Variants in FARP1 observed in about 807,000 individuals in gnomAD.
FARP1 encodes FERM, ARHGEF and pleckstrin domain-containing protein 1.
FARP1 carries 52 observed loss-of-function variants against 128.8 expected under a neutral mutation model. The observed-to-expected ratio is 0.40, with a 90% CI of 0.32 to 0.51. FARP1 has a LOEUF of 0.51. Ranked by LOEUF, FARP1 falls within the 20% of genes least tolerant of loss-of-function variation. The pLI is 0.45. For synonymous variants in FARP1, 580 were observed against 551.8 expected (o/e 1.05, Z -0.72); for missense variants, 1,333 against 1,367.9 (o/e 0.97, Z 0.40).
At chr13:98,305,201 C>T (rs1886091470) in intron 2 of FARP1, among the ~76,000 whole-genome samples, 1 of 151,534 alleles carries the variant, frequency 6.6e-6, no homozygotes, top group African/African-American at 2.4e-5. Flanking sequence ...TCACTAACAA[C>T]AACTTGTATT....
At chr13:98,371,139 C>T (rs573084390) in intron 5 of FARP1, among the ~76,000 whole-genome samples, 20 of 151,800 alleles carry the variant, frequency 1.3e-4, no homozygotes, top group Non-Finnish European at 2.4e-4. Context: ...CGTGCCTTTT[C>T]CTCATGTGAA....
At chr13:98,279,939 C>G (rs998717671) in intron 2 of FARP1, among the ~76,000 whole-genome samples, 2 of 152,128 alleles carry the variant, frequency 1.3e-5, no homozygotes, top group Non-Finnish European at 2.9e-5. Flanking sequence ...CTGTCTGACC[C>G]TGATGTGCCC....
At chr13:98,379,221 AATCT>A (rs1304036197) in intron 6 of FARP1, among the ~76,000 whole-genome samples, 13 of 123,292 alleles carry the variant, frequency 1.1e-4, no homozygotes, top group Non-Finnish European at 1.9e-4. Context: ...TATAATATAT[AATCT>A]ATCTATATAT....
At chr13:98,437,917 C>T (rs1892349051) in intron 19 of FARP1, 1 of 1,105,470 alleles carries the variant, frequency 9.0e-7, no homozygotes, top group East Asian at 2.5e-5. Context: ...ATTCTTGGCA[C>T]TCATCAGGCC....
chr13:98,337,575 GT>G, intron 2 of FARP1, among the ~76,000 whole-genome samples: 1 of 147,462 alleles, frequency 6.8e-6, no homozygotes, highest in Admixed American at 6.7e-5. Flanking sequence ...GTGTGTGTGT[GT>G]GTGTGTGTGT....
chr13:98,346,068 T>C (rs1888165327), intron 3 of FARP1, among the ~76,000 whole-genome samples: 1 of 152,160 alleles, frequency 6.6e-6, no homozygotes, highest in Non-Finnish European at 1.5e-5. Flanking sequence ...AGAAATGGGA[T>C]TGAAGCTCGG....
chr13:98,429,336 T>C (rs1185168665), intron 17 of FARP1, among the ~76,000 whole-genome samples: 1 of 152,068 alleles, frequency 6.6e-6, no homozygotes, highest in East Asian at 1.9e-4. Flanking sequence ...AGTGGGTGGC[T>C]CAGGGTGAGT....
rs1406309843 is a variant in FARP1 at position 98,255,470 on chromosome 13, A to G, written c.171+42057A>G. ...GAGCCGAGATTGCGCCACTGCACTC[A>G]AGCCCGGGCAACAGAGTGAGACTTC... On this transcript the variant is annotated intron_variant, in intron 2 of 26. Transcript: ENST00000319562. Among the ~76,000 whole-genome samples, 5 of 152,224 alleles carry G rather than the reference A, an allele frequency of 3.3e-5. 1 individual carries two copies. The highest frequency in any genetic ancestry group is 4.4e-5 in the Non-Finnish European group (3 of 68,012).
At chr13:98,227,857 A>C (rs910019264) in intron 2 of FARP1, among the ~76,000 whole-genome samples, 1 of 152,218 alleles carries the variant, frequency 6.6e-6, no homozygotes, top group Non-Finnish European at 1.5e-5. Context: ...ATGCTAAGTG[A>C]AATAAGCCAG....
At chr13:98,200,661 T>A (rs1029244526) in intron 1 of FARP1, among the ~76,000 whole-genome samples, 1 of 152,114 alleles carries the variant, frequency 6.6e-6, no homozygotes, top group Non-Finnish European at 1.5e-5. Context: ...GGCTCCCAGG[T>A]AAGGGAGACC....
chr13:98,354,446 T>G (rs768627713), intron 3 of FARP1, among the ~76,000 whole-genome samples: 1 of 152,212 alleles, frequency 6.6e-6, no homozygotes, highest in Non-Finnish European at 1.5e-5. Flanking sequence ...GACGTTAGTT[T>G]TGACAGATCA....
chr13:98,219,074 A>AT lies in FARP1; in HGVS notation c.171+5665dup, dbSNP rs200967887. Among the ~76,000 whole-genome samples the AT allele has an allele frequency of 1.7e-3, 263 of 152,138 alleles. 1 individual carries two copies. The East Asian group carries it at 0.018, about 11-fold the overall frequency. ...ATGTAACAGTTCTTTCATTCCTTTA[A>AT]TTTTCACTGAAACCTAGGTTTGAGA... On this transcript the variant is annotated intron_variant, in intron 2 of 26. Transcript: ENST00000319562.
intron 11 of FARP1, among the ~76,000 whole-genome samples, chr13:98,392,368 T>C (rs1487368684): frequency 3.5e-5 from 5 of 142,630 alleles, no homozygotes; most frequent in African/African-American, 1.1e-4. Context: ...GATGTGGTGG[T>C]GCATGCCTGT....
At position 98,409,376 on chromosome 13, in the gene FARP1, G is replaced by A; in HGVS notation, c.1453G>A (p.Val485Met). 1 of 1,613,890 alleles carries A rather than the reference G, an allele frequency of 6.2e-7. No homozygotes were observed. Among genetic ancestry groups the A allele is most frequent in the African/African-American group, 1.3e-5 (1 of 74,958 alleles). The change falls in exon 14 of 27, where the codon GTG (valine) becomes ATG (methionine). Residue 485 changes from valine (V) to methionine (M), a missense_variant. By Grantham distance (21) the Val-to-Met change is conservative (BLOSUM62 1). Transcript: ENST00000319562. ...TGSPHLSELS[V>M]NSQGGVAPAN... Reference sequence around the variant, plus strand: ...CAGTCCTCACCTTTCCGAGCTGTCTGTGAACTCGCAGGGGGGAGTGGCCCC... The same window carrying A: ...CAGTCCTCACCTTTCCGAGCTGTCTATGAACTCGCAGGGGGGAGTGGCCCC...
intron 1 of FARP1, among the ~76,000 whole-genome samples, chr13:98,199,753 G>T (rs1290166796): frequency 6.6e-6 from 1 of 152,224 alleles, no homozygotes; most frequent in Non-Finnish European, 1.5e-5. Context: ...ACATTGCAGT[G>T]ACCTTGTTAG....
intron 2 of FARP1, among the ~76,000 whole-genome samples, chr13:98,287,252 A>G (rs1306174857): frequency 2.5e-5 from 2 of 80,900 alleles, no homozygotes; most frequent in Non-Finnish European, 4.7e-5. Context: ...TTTTTTTGAG[A>G]TGGAGTCTTG....
chr13:98,395,105 G>A lies in FARP1; in HGVS notation c.1165-122G>A, dbSNP rs1359304227. The A allele has an allele frequency of 3.2e-5, 38 of 1,176,434 alleles. No homozygotes were observed. In the Admixed American group the frequency reaches 9.4e-4, roughly 29 times the overall value. The allele number at this position is 1,176,434 out of a possible 1,614,324, so 72.9% of individuals were successfully genotyped here. A position where few individuals can be genotyped will look rare whatever the true frequency, so the allele number is the denominator to read the frequency against. Reference sequence around the variant, plus strand: ...TGCTGCTAGGCCAGAGAGCTCCGGGGCAGTTCTCCCGCCGCAGAGGCCTCG... The same window carrying A: ...TGCTGCTAGGCCAGAGAGCTCCGGGACAGTTCTCCCGCCGCAGAGGCCTCG... On this transcript the variant is annotated intron_variant, in intron 12 of 26. Coordinates refer to ENST00000319562, the MANE Select transcript of FARP1 (RefSeq NM_005766.4).
intron 2 of FARP1, among the ~76,000 whole-genome samples, chr13:98,267,654 C>G (rs182105843): frequency 6.6e-6 from 1 of 152,216 alleles, no homozygotes; most frequent in Non-Finnish European, 1.5e-5. Flanking sequence ...AGCCTTCAGG[C>G]AAGGTCAACA....
chr13:98,453,063 A>C lies in FARP1; in HGVS notation c.*4746A>C, dbSNP rs1288987990. On this transcript the variant is annotated 3_prime_UTR_variant, in exon 27 of 27. Transcript: ENST00000319562. ...GGCGCCTGGCGCTGGGGTGGCTCCC[A>C]GTGGCGCACCTCTTCGGTGGAGTCA... is the stretch of plus-strand genomic sequence containing the variant. 5 of 1,300,222 alleles carry C rather than the reference A, an allele frequency of 3.8e-6. No homozygotes were observed. In the Admixed American group the frequency reaches 5.8e-5, roughly 15 times the overall value. 80.5% of individuals were successfully genotyped at this position (1,300,222 alleles called of 1,614,324 possible).
Sources: allele counts gnomAD v4.1 joint callset (sites outside exome capture counted in the v4.1 genomes callset), GRCh38; gene constraint gnomAD v4.1.1; transcripts MANE v1.5; gene names NCBI Gene and HGNC (gene_info 2026-07-23, HGNC 2026-07-21).